AGBL4: variants seen among roughly 807,000 people sequenced by gnomAD.
AGBL4 encodes the protein AGBL carboxypeptidase 4, also known as cytosolic carboxypeptidase 6.
In AGBL4, 58 loss-of-function variants were observed where a neutral mutation model predicts 66.4. The ratio of observed to expected loss-of-function variants is 0.87; its 90% CI spans 0.71 to 1.09. AGBL4 has a LOEUF of 1.09. Among genes scored for constraint, AGBL4 ranks in the 50% least tolerant of loss-of-function variants. The probability of loss-of-function intolerance (pLI) is 0.00; values close to 1 mark genes in which losing one functional copy is unlikely to be tolerated. For synonymous variants in AGBL4, 234 were observed against 222.9 expected (o/e 1.05, Z -0.44); for missense variants, 579 against 631.0 (o/e 0.92, Z 0.88).
At chr1:48,933,244 T>C (rs1365090594) in intron 5 of AGBL4, among the ~76,000 whole-genome samples, 2 of 152,202 alleles carry the variant, frequency 1.3e-5, no homozygotes, top group African/African-American at 4.8e-5. Flanking sequence ...ATATATGGTA[T>C]TTATCATATG....
At chr1:49,266,962 T>C (rs773308493) in intron 3 of AGBL4, among the ~76,000 whole-genome samples, 8 of 152,232 alleles carry the variant, frequency 5.3e-5, no homozygotes, top group Non-Finnish European at 1.0e-4. Context: ...GGGTTTATAC[T>C]GGTCTCTGTA....
intron 4 of AGBL4, among the ~76,000 whole-genome samples, chr1:49,208,842 T>G (rs1648450607): frequency 6.6e-6 from 1 of 152,104 alleles, no homozygotes; most frequent in Non-Finnish European, 1.5e-5. Flanking sequence ...TATGTCAGAA[T>G]CCAGCTCTTA....
intron 3 of AGBL4, among the ~76,000 whole-genome samples, chr1:49,674,513 A>G (rs1646542378): frequency 6.8e-6 from 1 of 147,940 alleles, no homozygotes; most frequent in African/African-American, 2.4e-5. Flanking sequence ...AATTATATTT[A>G]TATATAAATT....
intron 3 of AGBL4, among the ~76,000 whole-genome samples, chr1:49,623,520 A>T (rs890781607): frequency 2.0e-5 from 3 of 152,292 alleles, no homozygotes; most frequent in African/African-American, 7.2e-5. Flanking sequence ...TAGCAGGTTG[A>T]TTAAATTTTA....
intron 5 of AGBL4, among the ~76,000 whole-genome samples, chr1:48,895,768 C>T (rs1351331477): frequency 6.6e-6 from 1 of 152,128 alleles, no homozygotes; most frequent in Non-Finnish European, 1.5e-5. Flanking sequence ...CTCAGAAGAG[C>T]TCATCCATTC....
chr1:49,285,125 G>A (rs1223832893), intron 3 of AGBL4, among the ~76,000 whole-genome samples: 2 of 152,042 alleles, frequency 1.3e-5, no homozygotes, highest in Non-Finnish European at 2.9e-5. Flanking sequence ...TGGAAGTAAA[G>A]CTCTCCTCAG....
At chr1:49,059,575 T>C (rs1644366347) in intron 4 of AGBL4, among the ~76,000 whole-genome samples, 1 of 152,140 alleles carries the variant, frequency 6.6e-6, no homozygotes, top group African/African-American at 2.4e-5. Context: ...AGGGCCACCA[T>C]CCTCCAGACT....
Position 49,136,260 on chromosome 1 carries a change from G to A in AGBL4, c.378-90460C>T, listed in dbSNP as rs181945737. Among the ~76,000 whole-genome samples the A allele has an allele frequency of 1.3e-3, 202 of 152,210 alleles. 1 individual carries two copies. Among genetic ancestry groups the A allele is most frequent in the African/African-American group, 3.6e-3 (150 of 41,566 alleles). ...AAATGTAGATAATTTGAAAAGGAAC[G>A]TTTACTAGGTGCTGGTCATTTCACT... On this transcript the variant is annotated intron_variant, in intron 4 of 13. Coordinates refer to ENST00000371839, the MANE Select transcript of AGBL4 (RefSeq NM_032785.4).
chr1:49,532,762 T>C (rs535523622), intron 3 of AGBL4, among the ~76,000 whole-genome samples: 1 of 152,272 alleles, frequency 6.6e-6, no homozygotes, highest in South Asian at 2.1e-4. Flanking sequence ...TTCCACTGTT[T>C]CTAAGGTCAC....
chr1:48,874,136 T>G (rs1648977072), intron 5 of AGBL4, among the ~76,000 whole-genome samples: 1 of 152,134 alleles, frequency 6.6e-6, no homozygotes. Context: ...AAGCCAGCCA[T>G]CGGGGGAGGA....
intron 2 of AGBL4, among the ~76,000 whole-genome samples, chr1:49,714,236 A>G (rs541174872): frequency 6.6e-6 from 1 of 152,060 alleles, no homozygotes; most frequent in East Asian, 1.9e-4. Context: ...AGGGTGCAAG[A>G]GCAGTTTTGT....
At chr1:49,516,068 C>T (rs894016492) in intron 3 of AGBL4, among the ~76,000 whole-genome samples, 1 of 151,260 alleles carries the variant, frequency 6.6e-6, no homozygotes, top group African/African-American at 2.4e-5. Context: ...AAGACTGCCC[C>T]CCCCCACAAA....
At chr1:48,642,203 G>A (rs1333294322) in intron 8 of AGBL4, among the ~76,000 whole-genome samples, 1 of 152,102 alleles carries the variant, frequency 6.6e-6, no homozygotes, top group Non-Finnish European at 1.5e-5. Flanking sequence ...TTATAGCAAA[G>A]CCAAGATTAG....
chr1:49,733,173 T>C (rs933474469), intron 2 of AGBL4, among the ~76,000 whole-genome samples: 19 of 152,076 alleles, frequency 1.2e-4, no homozygotes, highest in Non-Finnish European at 2.2e-4. Context: ...AACAAAAAAT[T>C]CTATAACCAC....
At chr1:49,979,082 T>C (rs1214291928) in intron 1 of AGBL4, among the ~76,000 whole-genome samples, 1 of 152,230 alleles carries the variant, frequency 6.6e-6, no homozygotes, top group Non-Finnish European at 1.5e-5. Context: ...CATGAATGCA[T>C]AAAATATAGG....
chr1:49,931,905 G>C (rs1653402181), intron 1 of AGBL4, among the ~76,000 whole-genome samples: 3 of 152,092 alleles, frequency 2.0e-5, no homozygotes, highest in Non-Finnish European at 4.4e-5. Flanking sequence ...TGTGGCCCCA[G>C]TTGTGTATCC....
chr1:48,747,742 T>C (rs896282215), intron 6 of AGBL4, among the ~76,000 whole-genome samples: 1 of 152,190 alleles, frequency 6.6e-6, no homozygotes, highest in Non-Finnish European at 1.5e-5. Context: ...CCATTTTCTA[T>C]TCTTGTTGTA....
chr1:49,749,162 A>G (rs1440985313), intron 2 of AGBL4, among the ~76,000 whole-genome samples: 1 of 152,068 alleles, frequency 6.6e-6, no homozygotes, highest in Non-Finnish European at 1.5e-5. Flanking sequence ...AAGTCTTTTA[A>G]TCTATCTGGA....
At chr1:49,845,715 G>GAGGAATT in intron 2 of AGBL4, 2 of 1,592,992 alleles carry the variant, frequency 1.3e-6, no homozygotes, top group Non-Finnish European at 1.7e-6. Flanking sequence ...TCCTGACTGA[G>GAGGAATT]CATCAGAGGA....
Sources: gnomAD v4.1 joint callset for allele counts (sites outside exome capture counted in the v4.1 genomes callset) on GRCh38, gnomAD v4.1.1 for gene constraint, MANE v1.5 for transcripts, NCBI Gene and HGNC (gene_info 2026-07-23, HGNC 2026-07-21) for gene names.